Variants in PDE4D observed in about 807,000 individuals in gnomAD.
The protein encoded by PDE4D is 3',5'-cyclic-AMP phosphodiesterase 4D.
Under a neutral mutation model 87.4 loss-of-function variants are expected in PDE4D, and 24 were observed. That is an observed-to-expected ratio of 0.27 (90% CI 0.20 to 0.39). The LOEUF (loss-of-function observed/expected upper bound fraction) is 0.39. Among genes scored for constraint, PDE4D ranks in the 10% least tolerant of loss-of-function variants. PDE4D has a pLI of 1.00. For missense variants in PDE4D, 714 were observed against 1,041.0 expected (o/e 0.69, Z 4.32); for synonymous variants, 384 against 383.2 (o/e 1.00, Z -0.02).
intron 1 of PDE4D, among the ~76,000 whole-genome samples, chr5:59,845,444 A>G (rs1173355872): frequency 6.6e-6 from 1 of 152,012 alleles, no homozygotes; most frequent in Non-Finnish European, 1.5e-5. Context: ...CTATTTTCTC[A>G]CCTGCATGTC....
At chr5:59,643,986 G>A (rs1742033996) in intron 1 of PDE4D, among the ~76,000 whole-genome samples, 1 of 152,172 alleles carries the variant, frequency 6.6e-6, no homozygotes, top group African/African-American at 2.4e-5. Flanking sequence ...AGAGAAGTAT[G>A]CCAAGAGAGA....
chr5:59,547,717 T>C (rs1028621461), intron 1 of PDE4D, among the ~76,000 whole-genome samples: 1 of 152,204 alleles, frequency 6.6e-6, no homozygotes, highest in Non-Finnish European at 1.5e-5. Flanking sequence ...TTTTTCTGGT[T>C]ACAGTGTATC....
chr5:59,858,694 C>A (rs1297355659), intron 1 of PDE4D, among the ~76,000 whole-genome samples: 2 of 152,076 alleles, frequency 1.3e-5, no homozygotes, highest in African/African-American at 4.8e-5. Flanking sequence ...CCAGTTGCCC[C>A]TCAGATTTGT....
intron 1 of PDE4D, among the ~76,000 whole-genome samples, chr5:59,284,106 A>G (rs1766398564): frequency 6.6e-6 from 1 of 152,134 alleles, no homozygotes; most frequent in Non-Finnish European, 1.5e-5. Flanking sequence ...TGGCAGGATT[A>G]TCTTTCTTTT....
At chr5:59,112,204 G>A (rs1322575840) in intron 5 of PDE4D, among the ~76,000 whole-genome samples, 1 of 152,154 alleles carries the variant, frequency 6.6e-6, no homozygotes, top group Non-Finnish European at 1.5e-5. Context: ...GTCTTAAAAT[G>A]GAAGTGTGAC....
intron 2 of PDE4D, chr5:59,215,510 TCA>T (rs1381784019): frequency 1.4e-5 from 5 of 369,146 alleles, no homozygotes; most frequent in Non-Finnish European, 2.4e-5. Context: ...AATTTAATTC[TCA>T]GTTTTCCTAT....
intron 1 of PDE4D, among the ~76,000 whole-genome samples, chr5:60,355,958 T>G (rs79653352): frequency 0.1 from 15,606 of 152,086 alleles, 1,003 homozygotes; most frequent in South Asian, 0.29. Flanking sequence ...ACTTGTGCTG[T>G]TCAAAGATCA....
chr5:59,819,416 C>A (rs1769379633), intron 1 of PDE4D, among the ~76,000 whole-genome samples: 1 of 152,150 alleles, frequency 6.6e-6, no homozygotes, highest in African/African-American at 2.4e-5. Flanking sequence ...TTTTTTTCTC[C>A]CATTCTTCCA....
chr5:59,383,413 GGCC>G (rs1786301230), intron 1 of PDE4D, among the ~76,000 whole-genome samples: 1 of 151,940 alleles, frequency 6.6e-6, no homozygotes, highest in South Asian at 2.1e-4. Flanking sequence ...TGCCTCAAAG[GGCC>G]CTTTCTAACC....
chr5:58,992,065 G>A, intron 7 of PDE4D, 61 bp from the exon 8 acceptor site: 2 of 1,008,850 alleles, frequency 2.0e-6, no homozygotes, highest in Non-Finnish European at 2.7e-6. Context: ...TATATCATAT[G>A]CATAATTGGA....
chr5:60,020,157 G>C (rs545216304), intron 2 of PDE4D, among the ~76,000 whole-genome samples: 1 of 152,276 alleles, frequency 6.6e-6, no homozygotes, highest in African/African-American at 2.4e-5. Flanking sequence ...TGGATGGTTG[G>C]TGGAGCAGTC....
Position 59,386,694 on chromosome 5 carries a change from G to GGAGGAAGGGAGGAAGA in PDE4D, c.456-170727_456-170726insTCTTCCTCCCTTCCTC, listed in dbSNP as rs1554151222. On this transcript the variant is annotated intron_variant, in intron 1 of 14. Coordinates refer to ENST00000340635, the MANE Select transcript of PDE4D (RefSeq NM_001104631.2). ...AAGGGCAGGGCAGCGCAGGAGGAAG[G>GGAGGAAGGGAGGAAGA]GAGGGAGGGAGGGAGGGAGGGAAAG... is the stretch of plus-strand genomic sequence containing the variant. Among the ~76,000 whole-genome samples, 4 of 126,300 alleles carry GGAGGAAGGGAGGAAGA rather than the reference G, an allele frequency of 3.2e-5. No homozygotes were observed. In the East Asian group the frequency reaches 6.0e-4, roughly 19 times the overall value. 82.9% of individuals were successfully genotyped at this position (126,300 alleles called of 152,430 possible). A position where few individuals can be genotyped will look rare whatever the true frequency, so the allele number is the denominator to read the frequency against.
At chr5:59,562,693 A>G (rs1820237125) in intron 1 of PDE4D, among the ~76,000 whole-genome samples, 1 of 152,232 alleles carries the variant, frequency 6.6e-6, no homozygotes, top group Non-Finnish European at 1.5e-5. Context: ...GTCATGTTTT[A>G]GAAAAATTCC....
At chr5:59,918,624 T>C (rs150379343) in intron 3 of PDE4D, among the ~76,000 whole-genome samples, 6 of 152,312 alleles carry the variant, frequency 3.9e-5, no homozygotes, top group African/African-American at 1.4e-4. Flanking sequence ...CTGCTTGTTG[T>C]AAAGGGTCTA....
chr5:60,147,826 A>T (rs948664515), intron 2 of PDE4D: 1 of 454,492 alleles, frequency 2.2e-6, no homozygotes, highest in Admixed American at 2.4e-5. Flanking sequence ...CTTCTTCCAT[A>T]GGCTGCTTGA....
intron 2 of PDE4D, among the ~76,000 whole-genome samples, chr5:60,141,548 C>T (rs943237947): frequency 2.6e-5 from 4 of 152,126 alleles, no homozygotes; most frequent in East Asian, 1.9e-4. Context: ...TAGGACTCTT[C>T]GGTGAGCCCA....
chr5:59,436,989 G>A (rs940898982), intron 1 of PDE4D, among the ~76,000 whole-genome samples: 1 of 152,136 alleles, frequency 6.6e-6, no homozygotes, highest in Non-Finnish European at 1.5e-5. Context: ...ATTAGGCCTG[G>A]TCCAAGTGCC....
In PDE4D at chr5:58,975,807, C is replaced by T. The variant is rs1236377967; in HGVS notation, c.1863G>A (p.Leu621=). 6.2e-7 allele frequency: 1 copy of T among 1,600,754 alleles called. No individual in the cohort carries two copies. The highest frequency in any genetic ancestry group is 8.5e-7 in the Non-Finnish European group (1 of 1,173,286). ...VLQNMVHCAD[L]SNPTKPLQLY... is the part of the protein sequence containing the mutation. ...GCTGGAGAGGCTTTGTTGGGTTGCT[C>T]AGATCTGCACAGTGCACCATATTCT... is the stretch of plus-strand genomic sequence containing the variant. The change falls in exon 14 of 15, where the codon CTG becomes CTA. Residue 621 remains leucine (L), a synonymous_variant. Coordinates refer to ENST00000340635, the MANE Select transcript of PDE4D (RefSeq NM_001104631.2). This position sits in a 1 kb window ranked among gnomAD's most constrained non-coding sequence, Gnocchi z 4.2.
At chr5:60,110,263 A>C (rs2149355796) in intron 2 of PDE4D, among the ~76,000 whole-genome samples, 1 of 152,268 alleles carries the variant, frequency 6.6e-6, no homozygotes, top group Non-Finnish European at 1.5e-5. Context: ...AATATTTGCA[A>C]ACTATTCACC....
Sources: gnomAD v4.1 joint callset for allele counts (sites outside exome capture counted in the v4.1 genomes callset) on GRCh38, gnomAD v4.1.1 for gene constraint, Gnocchi (gnomAD v3.1) non-coding constraint, MANE v1.5 for transcripts, NCBI Gene and HGNC (gene_info 2026-07-23, HGNC 2026-07-21) for gene names.